Variants in CDH12 observed in about 807,000 individuals in gnomAD.
CDH12 encodes cadherin-12.
In CDH12, 41 loss-of-function variants were observed where a neutral mutation model predicts 74.1. The observed-to-expected ratio is 0.55, with a 90% CI of 0.43 to 0.72. The LOEUF (loss-of-function observed/expected upper bound fraction) is 0.72, where lower values mean the gene tolerates loss of function less well. Ranked by LOEUF, CDH12 falls within the 30% of genes least tolerant of loss-of-function variation. CDH12 has a pLI of 0.00. For synonymous variants in CDH12, 399 were observed against 355.0 expected (o/e 1.12, Z -1.39); for missense variants, 945 against 977.2 (o/e 0.97, Z 0.44).
chr5:22,227,225 A>G (rs1490161413), intron 3 of CDH12, among the ~76,000 whole-genome samples: 4 of 152,074 alleles, frequency 2.6e-5, no homozygotes, highest in Non-Finnish European at 5.9e-5. Flanking sequence ...GTGCTCTTCA[A>G]TTTGTATTAA....
chr5:22,714,593 GT>G (rs1260567656), intron 1 of CDH12, among the ~76,000 whole-genome samples: 1 of 152,140 alleles, frequency 6.6e-6, no homozygotes, highest in Admixed American at 6.5e-5. Flanking sequence ...AGGGAAAAAG[GT>G]TAATTCTAAC....
chr5:22,727,730 C>CT (rs1000301362), intron 1 of CDH12, among the ~76,000 whole-genome samples: 4 of 150,204 alleles, frequency 2.7e-5, no homozygotes, highest in Non-Finnish European at 5.9e-5. Flanking sequence ...TCTAGGTTGA[C>CT]TTTTTTTTTA....
At chr5:22,629,669 A>G (rs531674094) in intron 1 of CDH12, among the ~76,000 whole-genome samples, 1 of 152,248 alleles carries the variant, frequency 6.6e-6, no homozygotes, top group South Asian at 2.1e-4. Flanking sequence ...GAATGAGCAA[A>G]AGGTGGAAGC....
At chr5:22,454,840 C>T (rs1230072564) in intron 2 of CDH12, among the ~76,000 whole-genome samples, 1 of 152,122 alleles carries the variant, frequency 6.6e-6, no homozygotes, top group Non-Finnish European at 1.5e-5. Flanking sequence ...CTAATGTAAC[C>T]TTAATCACCT....
At chr5:22,714,036 C>A (rs1039590015) in intron 1 of CDH12, among the ~76,000 whole-genome samples, 1 of 152,308 alleles carries the variant, frequency 6.6e-6, no homozygotes, top group East Asian at 1.9e-4. Flanking sequence ...AAAATTCTCT[C>A]TCTTTTATTT....
At chr5:22,671,486 T>C (rs1740897143) in intron 1 of CDH12, among the ~76,000 whole-genome samples, 1 of 152,144 alleles carries the variant, frequency 6.6e-6, no homozygotes, top group Admixed American at 6.5e-5. Flanking sequence ...TCCTGCTTAG[T>C]GTAAAATATT....
chr5:22,851,894 G>A (rs1357414420), intron 1 of CDH12, among the ~76,000 whole-genome samples: 1 of 152,116 alleles, frequency 6.6e-6, no homozygotes, highest in Non-Finnish European at 1.5e-5. Flanking sequence ...GAATGATGAG[G>A]TTCAGTATTT....
At chr5:22,713,429 C>G (rs1743397916) in intron 1 of CDH12, among the ~76,000 whole-genome samples, 1 of 151,934 alleles carries the variant, frequency 6.6e-6, no homozygotes, top group Admixed American at 6.6e-5. Context: ...GCATGAGCCA[C>G]CGCACCCGGC....
chr5:22,401,298 A>G (rs1742719191), intron 3 of CDH12, among the ~76,000 whole-genome samples: 1 of 152,166 alleles, frequency 6.6e-6, no homozygotes, highest in Non-Finnish European at 1.5e-5. Context: ...CAATCACAAC[A>G]TCCTTCCTCA....
chr5:21,954,609 T>C (rs898954922), intron 6 of CDH12, among the ~76,000 whole-genome samples: 8 of 152,124 alleles, frequency 5.3e-5, no homozygotes, highest in Admixed American at 5.2e-4. Context: ...CCTAAAACTC[T>C]GTGTGTTGCT....
intron 1 of CDH12, among the ~76,000 whole-genome samples, chr5:22,732,959 A>C (rs1744508258): frequency 1.3e-5 from 2 of 151,900 alleles, no homozygotes; most frequent in Non-Finnish European, 2.9e-5. Context: ...TAAAAATTTA[A>C]AAACTAGTTT....
chr5:21,949,446 T>A (rs986992178), intron 6 of CDH12, among the ~76,000 whole-genome samples: 3 of 128,670 alleles, frequency 2.3e-5, no homozygotes, highest in Non-Finnish European at 4.6e-5. Flanking sequence ...CGAGACTCTG[T>A]CTCAAAAAAA....
chr5:22,177,754 A>G (rs1749420192), intron 4 of CDH12, among the ~76,000 whole-genome samples: 1 of 152,024 alleles, frequency 6.6e-6, no homozygotes, highest in African/African-American at 2.4e-5. Context: ...ATAGACACAC[A>G]ACTGAGAGAG....
At chr5:22,477,796 C>T (rs1746226617) in intron 2 of CDH12, among the ~76,000 whole-genome samples, 1 of 152,112 alleles carries the variant, frequency 6.6e-6, no homozygotes, top group South Asian at 2.1e-4. Context: ...CTTAGGATTC[C>T]AACTCTTTCA....
chr5:22,077,212 C>G (rs1315370422), intron 5 of CDH12, among the ~76,000 whole-genome samples: 1 of 151,902 alleles, frequency 6.6e-6, no homozygotes, highest in East Asian at 1.9e-4. Context: ...ACCACATATG[C>G]CTTAGTGGAA....
At chr5:22,129,410 T>C (rs1157317056) in intron 4 of CDH12, among the ~76,000 whole-genome samples, 1 of 152,172 alleles carries the variant, frequency 6.6e-6, no homozygotes, top group Non-Finnish European at 1.5e-5. Flanking sequence ...ATTTTTACAG[T>C]TATGCTTAAT....
intron 2 of CDH12, among the ~76,000 whole-genome samples, chr5:22,445,827 C>T (rs1000954618): frequency 6.6e-6 from 1 of 152,084 alleles, no homozygotes; most frequent in Non-Finnish European, 1.5e-5. Context: ...AGAGCTGCAT[C>T]CTCTGTTCTC....
At chr5:22,222,874 A>T (rs1752067606) in intron 3 of CDH12, among the ~76,000 whole-genome samples, 1 of 152,034 alleles carries the variant, frequency 6.6e-6, no homozygotes, top group South Asian at 2.1e-4. Context: ...AAATTCCAAT[A>T]AGAACAAGAG....
At chr5:22,342,630 A>T (rs111286144) in intron 3 of CDH12, among the ~76,000 whole-genome samples, 7 of 37,180 alleles carry the variant, frequency 1.9e-4, no homozygotes, top group African/African-American at 2.2e-4. Flanking sequence ...TTCCTTTTCT[A>T]TTTCTTTCTC....
Sources: gnomAD v4.1 joint callset for allele counts (sites outside exome capture counted in the v4.1 genomes callset) on GRCh38, gnomAD v4.1.1 for gene constraint, MANE v1.5 for transcripts, NCBI Gene and HGNC (gene_info 2026-07-23, HGNC 2026-07-21) for gene names.